PVT1: variants seen among roughly 807,000 people sequenced by gnomAD.
PVT1 encodes Pvt1 oncogene.
intron 2 of PVT1, among the ~76,000 whole-genome samples, chr8:127,878,620 C>T (rs1260020609): frequency 6.6e-6 from 1 of 152,212 alleles, no homozygotes; most frequent in Non-Finnish European, 1.5e-5. Flanking sequence ...CTTAAAATTA[C>T]TGTTGCTATT....
intron 2 of PVT1, among the ~76,000 whole-genome samples, chr8:127,820,201 A>G (rs928652023): frequency 6.6e-6 from 1 of 152,208 alleles, no homozygotes; most frequent in African/African-American, 2.4e-5. Flanking sequence ...GAGTTTAATC[A>G]GCAAGAGTGG....
At chr8:127,822,686 C>T (rs1181280959) in intron 2 of PVT1, among the ~76,000 whole-genome samples, 1 of 152,164 alleles carries the variant, frequency 6.6e-6, no homozygotes, top group Non-Finnish European at 1.5e-5. Flanking sequence ...AGATGAATCT[C>T]GGAAGCAGAA....
At chr8:127,963,575 C>T (rs188499861) in intron 3 of PVT1, among the ~76,000 whole-genome samples, 1 of 152,120 alleles carries the variant, frequency 6.6e-6, no homozygotes, top group Non-Finnish European at 1.5e-5. Context: ...CCCCCCACCC[C>T]CCTCCACCCT....
At chr8:127,982,655 T>A (rs1480201735) in intron 3 of PVT1, among the ~76,000 whole-genome samples, 7 of 143,470 alleles carry the variant, frequency 4.9e-5, no homozygotes, top group African/African-American at 1.7e-4. Flanking sequence ...ACAAAAATAA[T>A]TAATTAATTA....
At chr8:127,800,811 G>A (rs1053846748) in intron 2 of PVT1, among the ~76,000 whole-genome samples, 1 of 152,208 alleles carries the variant, frequency 6.6e-6, no homozygotes, top group Non-Finnish European at 1.5e-5. Flanking sequence ...TTACAGCTGG[G>A]TTAGACAGAT....
At chr8:127,984,827 C>CTT (rs1554602033) in intron 3 of PVT1, among the ~76,000 whole-genome samples, 1 of 126,372 alleles carries the variant, frequency 7.9e-6, no homozygotes. Flanking sequence ...AGGCTGGTTT[C>CTT]TTTCTTTTCT....
intron 5 of PVT1, among the ~76,000 whole-genome samples, chr8:128,073,233 A>G (rs1443826295): frequency 6.6e-6 from 1 of 152,170 alleles, no homozygotes; most frequent in Non-Finnish European, 1.5e-5. Flanking sequence ...TTTAAGCAAA[A>G]AGGATGGCTT....
In PVT1 at chr8:127,877,513, C is replaced by T. The variant is rs115395788; in HGVS notation, n.373-13076C>T. Among the ~76,000 whole-genome samples, 468 of 152,310 alleles carry T rather than the reference C, an allele frequency of 3.1e-3. 7 individuals are homozygous for T. The highest frequency in any genetic ancestry group is 0.011 in the African/African-American group (451 of 41,568). On this transcript the variant is annotated intron_variant and non_coding_transcript_variant, in intron 2 of 10. Transcript: ENST00000651587. ...CCCAACTTAGATTCCTCTCAGGGGA[C>T]ACATAGACAACCCAGAAAAGCAGCT...
At chr8:128,018,571 G>T (rs72720869) in intron 4 of PVT1, among the ~76,000 whole-genome samples, 1 of 152,208 alleles carries the variant, frequency 6.6e-6, no homozygotes, top group Non-Finnish European at 1.5e-5. Flanking sequence ...GTTCCAGATG[G>T]AAAGTCTCGT....
chr8:127,900,467 C>T (rs1272476733), intron 3 of PVT1, among the ~76,000 whole-genome samples: 1 of 152,208 alleles, frequency 6.6e-6, no homozygotes, highest in African/African-American at 2.4e-5. Flanking sequence ...TATAACAGGT[C>T]ATGCTCTTAC....
rs1248853203 is a variant in PVT1, at chr8:127,898,584, A to G, written n.782+7586A>G. Among the ~76,000 whole-genome samples the G allele has an allele frequency of 6.6e-6, 1 of 152,202 alleles. No homozygotes were observed. The highest frequency in any genetic ancestry group is 1.5e-5 in the Non-Finnish European group (1 of 68,030). On this transcript the variant is annotated intron_variant and non_coding_transcript_variant, in intron 3 of 10. Coordinates refer to ENST00000651587, the Ensembl canonical transcript of PVT1. The surrounding 1 kb of genome is among the most constrained non-coding windows in gnomAD (Gnocchi z 4.4). ...CACCATAATTGATGGGCCACACTAG[A>G]CTGGAGCCAACCATGGCCCATTGCT...
chr8:128,051,535 C>A (rs1429151186), intron 4 of PVT1, among the ~76,000 whole-genome samples: 1 of 152,118 alleles, frequency 6.6e-6, no homozygotes, highest in Admixed American at 6.5e-5. Flanking sequence ...CTTTCTATCA[C>A]CTTCTCCTCT....
chr8:127,849,515 G>A (rs994096784), intron 2 of PVT1, among the ~76,000 whole-genome samples: 1 of 152,158 alleles, frequency 6.6e-6, no homozygotes, highest in African/African-American at 2.4e-5. Context: ...CCTATGAAGT[G>A]GTAGCTATCA....
At chr8:127,840,676 G>A (rs1217180032) in intron 2 of PVT1, among the ~76,000 whole-genome samples, 2 of 152,230 alleles carry the variant, frequency 1.3e-5, no homozygotes, top group East Asian at 3.8e-4. Context: ...CACTCTCCTA[G>A]CTGTGCTTCC....
intron 3 of PVT1, among the ~76,000 whole-genome samples, chr8:127,907,485 G>C (rs1229333671): frequency 6.6e-6 from 1 of 152,224 alleles, no homozygotes; most frequent in Non-Finnish European, 1.5e-5. Flanking sequence ...GTCTCCGGAA[G>C]TCATCAGCCG....
At chr8:128,033,546 G>A (rs936107697) in intron 4 of PVT1, among the ~76,000 whole-genome samples, 1 of 152,198 alleles carries the variant, frequency 6.6e-6, no homozygotes. Flanking sequence ...CTAGAACATA[G>A]CAGAGGATTT....
At chr8:128,073,174 G>A (rs1450975285) in intron 5 of PVT1, among the ~76,000 whole-genome samples, 1 of 152,084 alleles carries the variant, frequency 6.6e-6, no homozygotes, top group African/African-American at 2.4e-5. Context: ...ATGGGTCTGA[G>A]GGGCAGCATG....
At chr8:128,006,840 C>T (rs899093150) in intron 4 of PVT1, among the ~76,000 whole-genome samples, 1 of 152,046 alleles carries the variant, frequency 6.6e-6, no homozygotes, top group African/African-American at 2.4e-5. Context: ...ATTGGGATGC[C>T]CTTCAAGTTG....
chr8:127,838,215 A>T (rs1814930515), intron 2 of PVT1, among the ~76,000 whole-genome samples: 1 of 152,080 alleles, frequency 6.6e-6, no homozygotes, highest in South Asian at 2.1e-4. Context: ...GAATTTTAAA[A>T]ATATATGTGT....
Sources: allele counts gnomAD v4.1 joint callset (sites outside exome capture counted in the v4.1 genomes callset), GRCh38; gene constraint gnomAD v4.1.1; non-coding constraint Gnocchi (gnomAD v3.1); transcripts MANE v1.5; gene names NCBI Gene and HGNC (gene_info 2026-07-23, HGNC 2026-07-21).